The following VAT1L variants were observed in gnomAD, a reference collection of about 807,000 sequenced individuals.
VAT1L encodes vesicle amine transport 1 like.
A neutral mutation model predicts 44.1 loss-of-function variants in VAT1L; 34 were observed. The observed-to-expected ratio is 0.77, with a 90% CI of 0.59 to 1.03. VAT1L has a LOEUF of 1.03. VAT1L is among the 50% of genes least tolerant of loss of function. The probability of loss-of-function intolerance (pLI) is 0.00; values close to 1 mark genes in which losing one functional copy is unlikely to be tolerated. For missense variants in VAT1L, 615 were observed against 538.8 expected (o/e 1.14, Z -1.40); for synonymous variants, 253 against 202.2 (o/e 1.25, Z -2.13).
intron 7 of VAT1L, among the ~76,000 whole-genome samples, chr16:77,900,252 T>C (rs1405835742): frequency 6.6e-6 from 1 of 152,216 alleles, no homozygotes; most frequent in Non-Finnish European, 1.5e-5. Context: ...CCGGAGATCA[T>C]ATGAGTATTT....
rs2018377812 is a variant in VAT1L, at chr16:77,979,586, TC to T, written c.*1893del. ...AGAGCCCTTGGCCATACTAGGGCTCTCCTTCCCCCGGGGAGTGGGAACTCAG... is the reference window on the plus strand; with the variant it reads ...AGAGCCCTTGGCCATACTAGGGCTCTCTTCCCCCGGGGAGTGGGAACTCAG... On this transcript the variant is annotated 3_prime_UTR_variant, in exon 9 of 9. Transcript: ENST00000302536. 1 of 152,112 alleles carries T rather than the reference TC, an allele frequency of 6.6e-6. No homozygotes were observed. Among genetic ancestry groups the T allele is most frequent in the Non-Finnish European group, 1.5e-5 (1 of 68,014 alleles). The allele number at this position is 152,112 out of a possible 1,614,324, so 9.4% of individuals were successfully genotyped here. A position where few individuals can be genotyped will look rare whatever the true frequency, so the allele number is the denominator to read the frequency against.
chr16:77,826,653 A>G (rs953606409), intron 3 of VAT1L, among the ~76,000 whole-genome samples: 7 of 152,142 alleles, frequency 4.6e-5, no homozygotes, highest in Non-Finnish European at 1.0e-4. Flanking sequence ...TGTATATTGC[A>G]TGCCTGCTAC....
At chr16:77,875,765 G>C (rs1195325278) in intron 4 of VAT1L, among the ~76,000 whole-genome samples, 1 of 152,176 alleles carries the variant, frequency 6.6e-6, no homozygotes, top group African/African-American at 2.4e-5. Context: ...GTTTTAGGTT[G>C]GACCTAGACA....
intron 8 of VAT1L, among the ~76,000 whole-genome samples, chr16:77,974,090 T>G (rs959878457): frequency 1.3e-5 from 2 of 152,186 alleles, no homozygotes; most frequent in Non-Finnish European, 2.9e-5. Flanking sequence ...GTCATTTCAT[T>G]CAATGAAGGA....
At chr16:77,882,096 G>A (rs142218283) in intron 6 of VAT1L, 1 of 152,330 alleles carries the variant, frequency 6.6e-6, no homozygotes, top group East Asian at 1.9e-4. Flanking sequence ...TTTTCTTTCA[G>A]AGGCCTGCTC....
intron 3 of VAT1L, among the ~76,000 whole-genome samples, chr16:77,839,559 A>C (rs1597060748): frequency 6.8e-6 from 1 of 147,700 alleles, no homozygotes; most frequent in Non-Finnish European, 1.5e-5. Context: ...AAAAAAAAAA[A>C]AAAAAAAAAA....
At chr16:77,816,391 G>C (rs2016355224) in intron 1 of VAT1L, among the ~76,000 whole-genome samples, 1 of 152,158 alleles carries the variant, frequency 6.6e-6, no homozygotes, top group South Asian at 2.1e-4. Context: ...AGCTGTTTAT[G>C]CATAGTGCTG....
In VAT1L at chr16:77,939,181, T is replaced by C. The variant is rs530073509; in HGVS notation, c.1078-32669T>C. ...CGTGACGACCTCTCCAGGCTAACTC[T>C]GGGAAAATGCTTGTTTAAACCTCCC... On this transcript the variant is annotated intron_variant, in intron 7 of 8. Coordinates refer to ENST00000302536, the MANE Select transcript of VAT1L (RefSeq NM_020927.3). Among the ~76,000 whole-genome samples, 102 of 152,332 alleles carry C rather than the reference T, an allele frequency of 6.7e-4. 1 individual carries two copies. Among genetic ancestry groups the C allele is most frequent in the African/African-American group, 2.4e-3 (98 of 41,582 alleles).
intron 7 of VAT1L, among the ~76,000 whole-genome samples, chr16:77,954,118 A>G (rs2018075604): frequency 6.6e-6 from 1 of 152,192 alleles, no homozygotes; most frequent in East Asian, 1.9e-4. Flanking sequence ...GACAATGAAT[A>G]GGTATAATTA....
In VAT1L at chr16:77,977,774, T is replaced by C; in HGVS notation, c.*79T>C. 1 of 1,358,512 alleles carries C rather than the reference T, an allele frequency of 7.4e-7. No homozygotes were observed. Among genetic ancestry groups the C allele is most frequent in the Admixed American group, 1.9e-5 (1 of 51,728 alleles). The allele number at this position is 1,358,512 out of a possible 1,614,324, so 84.2% of individuals were successfully genotyped here. ...CTGAGAAAACTCTTCTGTGCCCCAGTGAACAAATGCTGTAGTCCAGTGCGT... is the reference window on the plus strand; with the variant it reads ...CTGAGAAAACTCTTCTGTGCCCCAGCGAACAAATGCTGTAGTCCAGTGCGT... On this transcript the variant is annotated 3_prime_UTR_variant, in exon 9 of 9. Coordinates refer to ENST00000302536, the MANE Select transcript of VAT1L (RefSeq NM_020927.3).
chr16:77,822,551 G>C (rs2016468556), intron 2 of VAT1L, among the ~76,000 whole-genome samples: 1 of 152,164 alleles, frequency 6.6e-6, no homozygotes, highest in Admixed American at 6.5e-5. Flanking sequence ...AGAGAAGAAG[G>C]CATGTGGGGG....
intron 7 of VAT1L, among the ~76,000 whole-genome samples, chr16:77,902,157 C>G (rs958907687): frequency 4.6e-5 from 7 of 152,172 alleles, no homozygotes; most frequent in African/African-American, 1.7e-4. Flanking sequence ...CATACACAGC[C>G]CTAGACATTA....
chr16:77,836,946 G>T (rs1164966263), intron 3 of VAT1L, among the ~76,000 whole-genome samples: 1 of 152,166 alleles, frequency 6.6e-6, no homozygotes, highest in Admixed American at 6.6e-5. Flanking sequence ...TCCATACATT[G>T]TCTATAAGAT....
intron 7 of VAT1L, among the ~76,000 whole-genome samples, chr16:77,921,534 G>A (rs1287647696): frequency 1.3e-5 from 2 of 152,070 alleles, no homozygotes; most frequent in Non-Finnish European, 2.9e-5. Context: ...TTTTTGCATC[G>A]GCTGTGGAAG....
chr16:77,790,676 T>C (rs562069669), intron 1 of VAT1L, among the ~76,000 whole-genome samples: 5 of 152,334 alleles, frequency 3.3e-5, no homozygotes, highest in Admixed American at 3.3e-4. Flanking sequence ...TGCATATGTA[T>C]GCGTATGTAA....
intron 3 of VAT1L, among the ~76,000 whole-genome samples, chr16:77,833,552 AC>A (rs1463416599): frequency 6.6e-6 from 1 of 151,982 alleles, no homozygotes; most frequent in African/African-American, 2.4e-5. Context: ...GGAGTTCGAG[AC>A]CATCCTGGCC....
chr16:77,813,273 T>G (rs562251293), intron 1 of VAT1L, among the ~76,000 whole-genome samples: 4 of 152,266 alleles, frequency 2.6e-5, no homozygotes, highest in Admixed American at 1.3e-4. Flanking sequence ...ACTTATTATC[T>G]CTAAACCAAC....
chr16:77,925,329 C>T (rs2017654354), intron 7 of VAT1L, among the ~76,000 whole-genome samples: 1 of 152,158 alleles, frequency 6.6e-6, no homozygotes, highest in Admixed American at 6.5e-5. Flanking sequence ...TTCTGGTTAT[C>T]TGAATCTGAC....
chr16:77,837,228 G>T (rs1194709989), intron 3 of VAT1L, among the ~76,000 whole-genome samples: 1 of 152,188 alleles, frequency 6.6e-6, no homozygotes, highest in African/African-American at 2.4e-5. Flanking sequence ...GTTTTCCCAG[G>T]AGCTGAGGAA....
Sources: gnomAD v4.1 joint callset for allele counts (sites outside exome capture counted in the v4.1 genomes callset) on GRCh38, gnomAD v4.1.1 for gene constraint, MANE v1.5 for transcripts, NCBI Gene and HGNC (gene_info 2026-07-23, HGNC 2026-07-21) for gene names.